MIB1: variants seen among roughly 807,000 people sequenced by gnomAD.
The protein encoded by MIB1 is E3 ubiquitin-protein ligase MIB1.
In MIB1, 278 loss-of-function variants were observed where a neutral mutation model predicts 124.5. The ratio of observed to expected loss-of-function variants is 2.23; its 90% CI spans 2.02 to 2.47. MIB1 has a LOEUF of 2.47. Among genes scored for constraint, MIB1 ranks in the 30% most tolerant of loss-of-function variants. MIB1 has a pLI of 0.00. For missense variants in MIB1, 957 were observed against 1,254.4 expected, an observed-to-expected ratio of 0.76 and a Z score of 3.58; for synonymous variants, 446 against 429.4, an observed-to-expected ratio of 1.04 and a Z score of -0.48.
intron 1 of MIB1, among the ~76,000 whole-genome samples, chr18:21,724,815 C>T (rs1370010619): frequency 5.8e-5 from 7 of 121,426 alleles, no homozygotes; most frequent in East Asian, 2.5e-4. Context: ...AATGTTGGCC[C>T]GGCGCAGTGG....
chr18:21,771,214 CTT>C (rs1170580825), intron 3 of MIB1, among the ~76,000 whole-genome samples: 1 of 152,202 alleles, frequency 6.6e-6, no homozygotes, highest in Non-Finnish European at 1.5e-5. Context: ...ATGCCCTCCA[CTT>C]TGTTTCCTCC....
chr18:21,747,553 C>T (rs1342717220), intron 1 of MIB1, among the ~76,000 whole-genome samples: 1 of 152,186 alleles, frequency 6.6e-6, no homozygotes, highest in Non-Finnish European at 1.5e-5. Flanking sequence ...TCAACAGATT[C>T]CAAGCCTTGA....
At chr18:21,794,345 G>C (rs1175532926) in intron 7 of MIB1, among the ~76,000 whole-genome samples, 1 of 151,982 alleles carries the variant, frequency 6.6e-6, no homozygotes, top group African/African-American at 2.4e-5. Flanking sequence ...AAATGCAAGA[G>C]ATAATGGCTA....
intron 4 of MIB1, among the ~76,000 whole-genome samples, chr18:21,776,976 CAA>C (rs1015805536): frequency 7.4e-6 from 1 of 134,834 alleles, no homozygotes; most frequent in Non-Finnish European, 1.6e-5. Flanking sequence ...GACTCCATCT[CAA>C]AAAAAAAAAA....
chr18:21,816,921 A>G (rs1309012418), intron 11 of MIB1, among the ~76,000 whole-genome samples: 1 of 151,962 alleles, frequency 6.6e-6, no homozygotes, highest in Non-Finnish European at 1.5e-5. Flanking sequence ...AGGAGAGGTG[A>G]TTTATACCTG....
chr18:21,806,809 G>GA, intron 10 of MIB1, among the ~76,000 whole-genome samples: 1 of 152,030 alleles, frequency 6.6e-6, no homozygotes, highest in African/African-American at 2.4e-5. Flanking sequence ...ATTTTTAGTA[G>GA]AAATGGTTTC....
intron 1 of MIB1, among the ~76,000 whole-genome samples, chr18:21,764,481 A>C (rs951852567): frequency 1.1e-4 from 16 of 152,196 alleles, no homozygotes; most frequent in Admixed American, 5.9e-4. Flanking sequence ...CATATGTAGC[A>C]TGTTACTTGA....
At chr18:21,851,210 A>G (rs1253024258) in intron 17 of MIB1, among the ~76,000 whole-genome samples, 2 of 152,274 alleles carry the variant, frequency 1.3e-5, no homozygotes, top group South Asian at 2.1e-4. Flanking sequence ...AGGTCTCTTG[A>G]TTCTTAAGCC....
At chr18:21,809,736 A>G (rs912197245) in intron 10 of MIB1, among the ~76,000 whole-genome samples, 1 of 152,132 alleles carries the variant, frequency 6.6e-6, no homozygotes, top group African/African-American at 2.4e-5. Flanking sequence ...TAAACTTGGA[A>G]TAGTAGGGAA....
chr18:21,870,179 T>G lies in MIB1; in HGVS notation c.*5513T>G, dbSNP rs960796245. 1 of 152,598 alleles carries G rather than the reference T, an allele frequency of 6.6e-6. No individual in the cohort carries two copies. The highest frequency in any genetic ancestry group is 1.5e-5 in the Non-Finnish European group (1 of 67,984). The allele number at this position is 152,598 out of a possible 1,614,324, so 9.5% of individuals were successfully genotyped here. On this transcript the variant is annotated 3_prime_UTR_variant, in exon 21 of 21. Coordinates refer to ENST00000261537, the MANE Select transcript of MIB1 (RefSeq NM_020774.4). ...CCTATGGTGTAATATCATATAATGC[T>G]TTTCTTTGATCTTTGGAGAATTATT...
chr18:21,851,885 A>T (rs1015214812), intron 17 of MIB1, among the ~76,000 whole-genome samples: 4 of 152,130 alleles, frequency 2.6e-5, no homozygotes, highest in Admixed American at 6.5e-5. Flanking sequence ...ATAATAGCGG[A>T]ATAGGTACAG....
chr18:21,859,487 GCT>G (rs1351238741), intron 20 of MIB1, among the ~76,000 whole-genome samples: 3 of 152,020 alleles, frequency 2.0e-5, no homozygotes, highest in African/African-American at 7.2e-5. Context: ...GAGTCTGGAT[GCT>G]CTGTTTCTTG....
At chr18:21,830,031 A>G (rs1214461107) in intron 12 of MIB1, among the ~76,000 whole-genome samples, 1 of 152,050 alleles carries the variant, frequency 6.6e-6, no homozygotes, top group African/African-American at 2.4e-5. Flanking sequence ...AAATTTTCAG[A>G]TTTGTCAAAG....
chr18:21,863,302 C>T (rs9953941), intron 20 of MIB1, among the ~76,000 whole-genome samples: 2,565 of 152,318 alleles, frequency 0.017, 66 homozygotes, highest in African/African-American at 0.054. Flanking sequence ...AGCTGCCCTC[C>T]GCCAGTGAGG....
chr18:21,707,862 G>A (rs1480519811), intron 1 of MIB1, among the ~76,000 whole-genome samples: 1 of 152,160 alleles, frequency 6.6e-6, no homozygotes, highest in African/African-American at 2.4e-5. Flanking sequence ...CCATAGCCTA[G>A]GTGACTTAAA....
At chr18:21,709,699 A>G (rs2040657271) in intron 1 of MIB1, among the ~76,000 whole-genome samples, 1 of 152,188 alleles carries the variant, frequency 6.6e-6, no homozygotes, top group African/African-American at 2.4e-5. Flanking sequence ...CCAAACACAG[A>G]TGAAGGTTCA....
At chr18:21,739,325 C>A (rs750230680), upstream of MIB1, among the ~76,000 whole-genome samples, 4 of 152,074 alleles carry the variant, frequency 2.6e-5, no homozygotes, top group Non-Finnish European at 5.9e-5. Context: ...AGTCCAGGAC[C>A]AGACAGATTC....
intron 1 of MIB1, among the ~76,000 whole-genome samples, chr18:21,709,040 G>A (rs946613479): frequency 6.6e-6 from 1 of 152,184 alleles, no homozygotes; most frequent in Non-Finnish European, 1.5e-5. Context: ...GGCGAGGCCG[G>A]GCGCGGTGGC....
chr18:21,765,877 G>T lies in MIB1; in HGVS notation c.335G>T (p.Cys112Phe), dbSNP rs1284392357. Residue 112 changes from cysteine (C) to phenylalanine (F), a missense_variant, in exon 2 of 21, where the codon TGT becomes TTT. Cys to Phe is a radical substitution (Grantham distance 205). Coordinates refer to ENST00000261537, the MANE Select transcript of MIB1 (RefSeq NM_020774.4). The stretch of plus-strand genomic sequence containing the variant: ...ACAAATTATGATTTGTGCACAGTGT[G>T]TTATCATGGAGATAAACATCATTTA... Reference protein sequence around the residue: ...ECTNYDLCTVCYHGDKHHLRH... With the variant: ...ECTNYDLCTVFYHGDKHHLRH... 1.2e-6 allele frequency: 2 copies of T among 1,614,114 alleles called. No individual in the cohort carries two copies. Among genetic ancestry groups the T allele is most frequent in the South Asian group, 1.1e-5 (1 of 91,086 alleles).
Sources: gnomAD v4.1 joint callset for allele counts (sites outside exome capture counted in the v4.1 genomes callset) on GRCh38, gnomAD v4.1.1 for gene constraint, MANE v1.5 for transcripts, NCBI Gene and HGNC (gene_info 2026-07-23, HGNC 2026-07-21) for gene names.